Variants in CDK13 observed in about 807,000 individuals in gnomAD.
The protein encoded by CDK13 is cyclin-dependent kinase 13.
CDK13 carries 40 observed loss-of-function variants against 137.6 expected under a neutral mutation model. The ratio of observed to expected loss-of-function variants is 0.29; its 90% CI spans 0.23 to 0.38. The LOEUF is 0.38. CDK13 is among the 10% of genes least tolerant of loss of function. The pLI, the probability that CDK13 is intolerant of heterozygous loss-of-function variation, is 1.00. For synonymous variants in CDK13, 869 were observed against 760.1 expected (o/e 1.14, Z -2.36); for missense variants, 1,704 against 1,951.8 (o/e 0.87, Z 2.39).
At chr7:40,064,939 G>A (rs1362655092) in intron 9 of CDK13, among the ~76,000 whole-genome samples, 2 of 140,742 alleles carry the variant, frequency 1.4e-5, no homozygotes, top group African/African-American at 2.6e-5. Flanking sequence ...CCACAGGCAT[G>A]CACCACCATG....
rs554821307 is a variant in CDK13, at chr7:40,084,566, T to G, written c.3030-3560T>G. ...AAGTATATATAGCTGGAAAGTGAAT[T>G]AGACTAGCAGCCAGCCTGTAAGCTT... is the stretch of plus-strand genomic sequence containing the variant. On this transcript the variant is annotated intron_variant, in intron 11 of 13. Transcript: ENST00000181839. 2.6e-5 allele frequency among the ~76,000 whole-genome samples: 4 copies of G among 152,316 alleles called. No homozygotes were observed. The East Asian group carries it at 7.7e-4, about 29-fold the overall frequency.
intron 1 of CDK13, chr7:39,985,688 T>A (rs1398601568): frequency 1.3e-5 from 2 of 152,158 alleles, no homozygotes; most frequent in Non-Finnish European, 2.9e-5. Flanking sequence ...TTAAAAAAAA[T>A]GCTGAGTTTC....
chr7:39,951,220 G>T lies in CDK13; in HGVS notation c.579G>T (p.Gly193=). 1 of 1,268,522 alleles carries T rather than the reference G, an allele frequency of 7.9e-7. No homozygotes were observed. 78.6% of individuals were successfully genotyped at this position (1,268,522 alleles called of 1,614,324 possible). The change falls in exon 1 of 14, where the codon GGG becomes GGT. Residue 193 remains glycine, a synonymous_variant. Coordinates refer to ENST00000181839, the MANE Select transcript of CDK13 (RefSeq NM_003718.5). ...SSSGTQRRGE[G]SERRPRRDRR... The stretch of plus-strand genomic sequence containing the variant: ...CCGGCACCCAGCGGCGCGGGGAGGG[G>T]TCGGAGCGCAGGCCCCGCCGGGACC...
intron 1 of CDK13, chr7:39,986,188 A>G (rs1784334941): frequency 6.6e-6 from 1 of 152,218 alleles, no homozygotes; most frequent in Non-Finnish European, 1.5e-5. Flanking sequence ...TTAACTATGC[A>G]TACTTTACTG....
Position 39,950,321 on chromosome 7 carries a change from T to G in CDK13, c.-321T>G. The G allele has an allele frequency of 8.9e-7, 1 of 1,123,184 alleles. No individual in the cohort carries two copies. Among genetic ancestry groups the G allele is most frequent in the Non-Finnish European group, 1.1e-6 (1 of 918,792 alleles). 69.6% of individuals were successfully genotyped at this position (1,123,184 alleles called of 1,614,324 possible). ...GCCGCTCCCCCACCCCCGGGGGCAC[T>G]TGGAGGACTCGGGACTCCCCCGCAG... On this transcript the variant is annotated 5_prime_UTR_variant, in exon 1 of 14. Coordinates refer to ENST00000181839, the MANE Select transcript of CDK13 (RefSeq NM_003718.5).
At chr7:40,052,951 A>G (rs771428520) in intron 7 of CDK13, among the ~76,000 whole-genome samples, 5 of 152,110 alleles carry the variant, frequency 3.3e-5, no homozygotes, top group Non-Finnish European at 5.9e-5. Context: ...CAAGATTGGA[A>G]CCATGGTAAT....
chr7:40,037,688 G>A (rs1306456637), intron 5 of CDK13, among the ~76,000 whole-genome samples: 2 of 152,138 alleles, frequency 1.3e-5, no homozygotes, highest in African/African-American at 4.8e-5. Flanking sequence ...CAATTTCAGA[G>A]TACAGGATTT....
chr7:39,975,853 T>C (rs760731184), intron 1 of CDK13, among the ~76,000 whole-genome samples: 2 of 152,192 alleles, frequency 1.3e-5, no homozygotes, highest in Middle Eastern at 3.2e-3. Flanking sequence ...TTAAATGCAG[T>C]TGGAAACCAC....
rs1584056229 is a variant in CDK13 at position 40,063,038 on chromosome 7, A to G, written c.2718A>G (p.Glu906=). 2 of 1,613,786 alleles carry G rather than the reference A, an allele frequency of 1.2e-6. No homozygotes were observed. Among genetic ancestry groups the G allele is most frequent in the East Asian group, 2.2e-5 (1 of 44,870 alleles). The part of the protein sequence containing the change: ...DVWSCGCILG[E]LFTKKPIFQA... ...TTTCCATTAGCTGTATCCTTGGCGA[A>G]CTCTTCACTAAAAAACCTATATTTC... The change falls in exon 9 of 14, where the codon GAA becomes GAG. Residue 906 remains glutamate, a synonymous_variant. Coordinates refer to ENST00000181839, the MANE Select transcript of CDK13 (RefSeq NM_003718.5).
chr7:40,087,537 A>T (rs1264609536), intron 11 of CDK13, among the ~76,000 whole-genome samples: 1 of 148,366 alleles, frequency 6.7e-6, no homozygotes, highest in African/African-American at 2.5e-5. Flanking sequence ...CACCAACAGC[A>T]ATAGTGGTGT....
At chr7:39,976,450 C>G (rs981948864) in intron 1 of CDK13, among the ~76,000 whole-genome samples, 17 of 151,934 alleles carry the variant, frequency 1.1e-4, no homozygotes, top group Non-Finnish European at 2.5e-4. Flanking sequence ...TTGACTCTGC[C>G]TCTTCTTAGT....
intron 2 of CDK13, among the ~76,000 whole-genome samples, chr7:39,995,306 G>A (rs1306865478): frequency 1.3e-5 from 2 of 151,920 alleles, no homozygotes; most frequent in African/African-American, 4.8e-5. Context: ...TTAGTTTTTT[G>A]CTCTAAAAAA....
At chr7:39,971,914 G>A (rs1784007837) in intron 1 of CDK13, among the ~76,000 whole-genome samples, 1 of 152,008 alleles carries the variant, frequency 6.6e-6, no homozygotes, top group South Asian at 2.1e-4. Context: ...ACAAAAAAAG[G>A]TCCAGCCCCA....
At position 39,988,110 on chromosome 7, in the gene CDK13, G is replaced by C; in HGVS notation, c.1723G>C (p.Glu575Gln). Residue 575 changes from glutamate to glutamine, a missense_variant, in exon 2 of 14, where the codon GAG (glutamate) becomes CAG (glutamine). Around this residue, in one of 5 missense-constraint regions of CDK13, gnomAD observed 1,051 missense variants for 931.0 expected, o/e 1.13. Transcript: ENST00000181839. ...GGAGAGTAAATCTGCTGCTACAAAG[G>C]AGGAATCAGTATCTCTTAAAGAGAA... The part of the protein sequence containing the change: ...GKESKSAATK[E>Q]ESVSLKEKTK... 1 of 1,613,910 alleles carries C rather than the reference G, an allele frequency of 6.2e-7. No homozygotes were observed. Among genetic ancestry groups the C allele is most frequent in the Non-Finnish European group, 8.5e-7 (1 of 1,180,000 alleles).
chr7:39,957,295 AGTT>A (rs1477829738), intron 1 of CDK13, among the ~76,000 whole-genome samples: 1 of 152,078 alleles, frequency 6.6e-6, no homozygotes, highest in African/African-American at 2.4e-5. Context: ...TCTAGATAAA[AGTT>A]AGTTTTTTTT....
chr7:40,014,703 G>C (rs1429841149), intron 5 of CDK13, among the ~76,000 whole-genome samples: 1 of 152,028 alleles, frequency 6.6e-6, no homozygotes, highest in Non-Finnish European at 1.5e-5. Flanking sequence ...TGATCCACCT[G>C]CCTTGGCCTC....
intron 7 of CDK13, among the ~76,000 whole-genome samples, chr7:40,059,912 G>A (rs1335753770): frequency 6.6e-6 from 1 of 152,114 alleles, no homozygotes; most frequent in Non-Finnish European, 1.5e-5. Flanking sequence ...TTTTGTCTCA[G>A]TATTTTGCCT....
intron 5 of CDK13, among the ~76,000 whole-genome samples, chr7:40,011,102 A>G (rs538007702): frequency 6.0e-4 from 92 of 152,192 alleles, no homozygotes; most frequent in Non-Finnish European, 6.5e-4. Context: ...CACAATTCCT[A>G]TCAAATCTCA....
chr7:39,975,442 C>A (rs1205462186), intron 1 of CDK13, among the ~76,000 whole-genome samples: 1 of 151,998 alleles, frequency 6.6e-6, no homozygotes, highest in Non-Finnish European at 1.5e-5. Flanking sequence ...CCTCAAATAC[C>A]TTGTTTGACC....
Sources: gnomAD v4.1 joint callset for allele counts (sites outside exome capture counted in the v4.1 genomes callset) on GRCh38, gnomAD v4.1.1 for gene constraint, gnomAD v4.1.1 regional missense constraint, MANE v1.5 for transcripts, NCBI Gene and HGNC (gene_info 2026-07-23, HGNC 2026-07-21) for gene names.